The following FOXO1 variants were observed in gnomAD, a reference collection of about 807,000 sequenced individuals.
FOXO1 encodes the protein forkhead box protein O1.
Under a neutral mutation model 44.1 loss-of-function variants are expected in FOXO1, and 6 were observed. The observed-to-expected ratio is 0.14, with a 90% CI of 0.07 to 0.27. The LOEUF (loss-of-function observed/expected upper bound fraction) is 0.27. Among genes scored for constraint, FOXO1 ranks in the 10% least tolerant of loss-of-function variants. The pLI, the probability that FOXO1 is intolerant of heterozygous loss-of-function variation, is 1.00. For missense variants in FOXO1, 737 were observed against 888.8 expected (o/e 0.83, Z 2.17); for synonymous variants, 380 against 362.7 (o/e 1.05, Z -0.54).
At chr13:40,628,389 A>ACACACACACACACACC (rs1555252079) in intron 1 of FOXO1, among the ~76,000 whole-genome samples, 1 of 148,704 alleles carries the variant, frequency 6.7e-6, no homozygotes, top group African/African-American at 2.5e-5. Flanking sequence ...ACACACACAC[A>ACACACACACACACACC]CCCCGTGAGG....
intron 1 of FOXO1, among the ~76,000 whole-genome samples, chr13:40,653,037 T>C (rs1877736793): frequency 6.6e-6 from 1 of 152,034 alleles, no homozygotes; most frequent in Non-Finnish European, 1.5e-5. Flanking sequence ...TGGCACAATC[T>C]CGGCTCACTG....
intron 1 of FOXO1, among the ~76,000 whole-genome samples, chr13:40,653,418 G>A (rs1041950411): frequency 1.3e-5 from 2 of 152,108 alleles, no homozygotes; most frequent in African/African-American, 4.8e-5. Flanking sequence ...GCAGGCTTCT[G>A]AGCCTGGTAC....
chr13:40,579,878 T>G (rs984849419), intron 1 of FOXO1, among the ~76,000 whole-genome samples: 3 of 152,212 alleles, frequency 2.0e-5, no homozygotes, highest in Non-Finnish European at 4.4e-5. Flanking sequence ...TTACAACACC[T>G]GACAGTGAAC....
chr13:40,608,178 T>C (rs144048503), intron 1 of FOXO1, among the ~76,000 whole-genome samples: 1 of 152,364 alleles, frequency 6.6e-6, no homozygotes, highest in East Asian at 1.9e-4. Context: ...TAGGACAGAA[T>C]TATTGGTCCC....
chr13:40,579,391 T>C (rs1874878440), intron 1 of FOXO1, among the ~76,000 whole-genome samples: 1 of 152,204 alleles, frequency 6.6e-6, no homozygotes, highest in Non-Finnish European at 1.5e-5. Flanking sequence ...AGACCCACAG[T>C]AGACCTCTTT....
intron 1 of FOXO1, among the ~76,000 whole-genome samples, chr13:40,642,948 T>C (rs1310464172): frequency 6.6e-6 from 1 of 152,188 alleles, no homozygotes; most frequent in African/African-American, 2.4e-5. Flanking sequence ...TTTGACTTGC[T>C]TGAATCCAAA....
Position 40,556,048 on chromosome 13 carries a change from T to A in FOXO1, c.*3001A>T, listed in dbSNP as rs1055211631. 3 of 152,256 alleles carry A rather than the reference T, an allele frequency of 2.0e-5. No individual in the cohort carries two copies. The highest frequency in any genetic ancestry group is 2.9e-5 in the Non-Finnish European group (2 of 68,042). The allele number at this position is 152,256 out of a possible 1,614,324, so 9.4% of individuals were successfully genotyped here. On this transcript the variant is annotated 3_prime_UTR_variant, in exon 3 of 3. Transcript: ENST00000379561. ...CGCATAAACCACAATACATTTTTTTTAATGAATGATTATTCCCAAACTAAA... is the reference window on the plus strand; with the variant it reads ...CGCATAAACCACAATACATTTTTTTAAATGAATGATTATTCCCAAACTAAA...
chr13:40,666,487 C>T lies in FOXO1; in HGVS notation c.-275G>A. The T allele has an allele frequency of 5.9e-6, 2 of 341,108 alleles. No individual in the cohort carries two copies. The highest frequency in any genetic ancestry group is 5.3e-6 in the Non-Finnish European group (1 of 188,502). The allele number at this position is 341,108 out of a possible 1,614,324, so 21.1% of individuals were successfully genotyped here. ...CGCCGGGCCGGGGCAGAGCCTGCGC[C>T]GCGCTCCAGCTGACAGGGCCGCGGA... On this transcript the variant is annotated 5_prime_UTR_variant, in exon 1 of 3. Transcript: ENST00000379561.
intron 1 of FOXO1, among the ~76,000 whole-genome samples, chr13:40,637,480 G>A (rs1593409877): frequency 6.7e-6 from 1 of 148,834 alleles, no homozygotes; most frequent in African/African-American, 2.5e-5. Context: ...GTTACAATAG[G>A]TCCTGCTGGG....
chr13:40,570,244 A>T (rs1688172679), intron 1 of FOXO1, among the ~76,000 whole-genome samples: 1 of 151,874 alleles, frequency 6.6e-6, no homozygotes, highest in South Asian at 2.1e-4. Context: ...CGGGAGGCGG[A>T]GGTTGCAGTA....
Position 40,584,769 on chromosome 13 carries a change from C to T in FOXO1, c.631-23909G>A, listed in dbSNP as rs1350101903. Among the ~76,000 whole-genome samples, 4 of 152,170 alleles carry T rather than the reference C, an allele frequency of 2.6e-5. No homozygotes were observed. In the East Asian group the frequency reaches 7.7e-4, roughly 29 times the overall value. On this transcript the variant is annotated intron_variant, in intron 1 of 2. Coordinates refer to ENST00000379561, the MANE Select transcript of FOXO1 (RefSeq NM_002015.4). ...CACATAAATTCCCCTTTCCTGAAGGCAACCGAATAAGCGAGTAGTTATCCC... is the reference window on the plus strand; with the variant it reads ...CACATAAATTCCCCTTTCCTGAAGGTAACCGAATAAGCGAGTAGTTATCCC...
In FOXO1 at chr13:40,560,095, G is replaced by A. The variant is rs1873931871; in HGVS notation, c.1396C>T (p.Leu466=). The change falls in exon 2 of 3, where the codon CTG becomes TTG. Residue 466 remains leucine (L), a synonymous_variant. Coordinates refer to ENST00000379561, the MANE Select transcript of FOXO1 (RefSeq NM_002015.4). The surrounding 1 kb of genome is among the most constrained non-coding windows in gnomAD (Gnocchi z 5.1). ...TTATGGGGAGGAGAGTCAGAAGTCA[G>A]CAACTCCTTCAAGAGTCCAGGCGCA... ...NCAPGLLKEL[L]TSDSPPHNDI... is the part of the protein sequence containing the mutation. 4.3e-6 allele frequency: 7 copies of A among 1,614,158 alleles called. No individual in the cohort carries two copies. The highest frequency in any genetic ancestry group is 5.1e-6 in the Non-Finnish European group (6 of 1,180,036).
At chr13:40,650,675 C>T (rs1176643814) in intron 1 of FOXO1, among the ~76,000 whole-genome samples, 1 of 152,154 alleles carries the variant, frequency 6.6e-6, no homozygotes, top group African/African-American at 2.4e-5. Flanking sequence ...ATTATTGAAG[C>T]CTGTGACAAT....
chr13:40,583,921 T>A (rs951603721), intron 1 of FOXO1, among the ~76,000 whole-genome samples: 1 of 152,222 alleles, frequency 6.6e-6, no homozygotes, highest in Admixed American at 6.5e-5. Flanking sequence ...CATGCCTTCC[T>A]CACTAAGCTG....
chr13:40,636,079 G>A (rs1877138858), intron 1 of FOXO1, among the ~76,000 whole-genome samples: 1 of 152,120 alleles, frequency 6.6e-6, no homozygotes, highest in Non-Finnish European at 1.5e-5. Context: ...GCGTGGCATG[G>A]TGCGGTACAC....
chr13:40,561,662 T>C (rs1252148680), intron 1 of FOXO1, among the ~76,000 whole-genome samples: 2 of 151,358 alleles, frequency 1.3e-5, no homozygotes, highest in Non-Finnish European at 2.9e-5. Context: ...CAAAAGAATA[T>C]AGAATATATA....
intron 1 of FOXO1, among the ~76,000 whole-genome samples, chr13:40,659,602 T>C (rs1345127723): frequency 6.6e-6 from 1 of 152,186 alleles, no homozygotes; most frequent in Non-Finnish European, 1.5e-5. Context: ...TTTTTAGTAG[T>C]ATTTGACTTA....
chr13:40,574,530 T>C (rs1482086964), intron 1 of FOXO1, among the ~76,000 whole-genome samples: 1 of 152,216 alleles, frequency 6.6e-6, no homozygotes, highest in Non-Finnish European at 1.5e-5. Flanking sequence ...TAGAACAAAA[T>C]GCAAGGTTTT....
chr13:40,574,180 G>A (rs1194551570), intron 1 of FOXO1, among the ~76,000 whole-genome samples: 1 of 152,116 alleles, frequency 6.6e-6, no homozygotes, highest in Non-Finnish European at 1.5e-5. Flanking sequence ...TTTTAAAAAG[G>A]ATACTCTGAC....
Sources: allele counts gnomAD v4.1 joint callset (sites outside exome capture counted in the v4.1 genomes callset), GRCh38; gene constraint gnomAD v4.1.1; non-coding constraint Gnocchi (gnomAD v3.1); transcripts MANE v1.5; gene names NCBI Gene and HGNC (gene_info 2026-07-23, HGNC 2026-07-21).